The following SESN1 variants were observed in gnomAD, a reference collection of about 807,000 sequenced individuals.
SESN1 encodes the protein sestrin-1.
SESN1 carries 30 observed loss-of-function variants against 59.3 expected under a neutral mutation model. The ratio of observed to expected loss-of-function variants is 0.51; its 90% CI spans 0.38 to 0.69. The LOEUF is 0.69. Ranked by LOEUF, SESN1 falls within the 30% of genes least tolerant of loss-of-function variation. The probability of loss-of-function intolerance (pLI) is 0.00; values close to 1 mark genes in which losing one functional copy is unlikely to be tolerated. For synonymous variants in SESN1, 197 were observed against 219.9 expected, an observed-to-expected ratio of 0.90 and a Z score of 0.92; for missense variants, 566 against 673.0, an observed-to-expected ratio of 0.84 and a Z score of 1.76.
At chr6:109,073,827 G>A (rs983894444) in intron 1 of SESN1, among the ~76,000 whole-genome samples, 10 of 152,088 alleles carry the variant, frequency 6.6e-5, no homozygotes. Flanking sequence ...AATAGAAAGT[G>A]GTGTTTTGAC....
At chr6:109,028,472 T>TTTG (rs1305887850) in intron 1 of SESN1, among the ~76,000 whole-genome samples, 65 of 152,184 alleles carry the variant, frequency 4.3e-4, no homozygotes, top group African/African-American at 1.5e-3. Flanking sequence ...TTTGCATGTA[T>TTTG]GTATGTTAAA....
intron 1 of SESN1, among the ~76,000 whole-genome samples, chr6:109,092,714 A>T (rs988643335): frequency 2.0e-5 from 3 of 152,210 alleles, no homozygotes; most frequent in African/African-American, 7.2e-5. Flanking sequence ...ATAGAGAAAT[A>T]ACTTTTTGTG....
intron 1 of SESN1, among the ~76,000 whole-genome samples, chr6:109,089,304 A>G (rs574382543): frequency 6.6e-6 from 1 of 152,244 alleles, no homozygotes; most frequent in South Asian, 2.1e-4. Context: ...TGATGCTAAA[A>G]TGGTAGGCAG....
At chr6:109,021,937 A>G (rs574938267) in intron 1 of SESN1, among the ~76,000 whole-genome samples, 5 of 152,282 alleles carry the variant, frequency 3.3e-5, no homozygotes, top group African/African-American at 1.2e-4. Flanking sequence ...CACATATACT[A>G]TATCTAAAGG....
At chr6:108,990,505 C>T in intron 8 of SESN1, 140 bp downstream of exon 8, 2 of 751,418 alleles carry the variant, frequency 2.7e-6, no homozygotes, top group Non-Finnish European at 4.3e-6. Flanking sequence ...TTCTTTGAAG[C>T]ATAAATAGCA....
At chr6:109,060,574 A>G (rs780885649) in intron 1 of SESN1, among the ~76,000 whole-genome samples, 1 of 152,180 alleles carries the variant, frequency 6.6e-6, no homozygotes, top group Admixed American at 6.5e-5. Flanking sequence ...TAGAGGGAAA[A>G]TTCCTCAAAG....
chr6:109,042,297 G>A (rs1003621725), intron 1 of SESN1, among the ~76,000 whole-genome samples: 13 of 151,662 alleles, frequency 8.6e-5, no homozygotes, highest in Non-Finnish European at 1.3e-4. Context: ...CAAGAGCCTA[G>A]GGAAAGAAGA....
intron 1 of SESN1, among the ~76,000 whole-genome samples, chr6:109,004,759 C>CACAG (rs113614274): frequency 0.13 from 19,836 of 152,074 alleles, 1,400 homozygotes; most frequent in Middle Eastern, 0.2. Context: ...GAGCAAACAA[C>CACAG]ACAGTTCAAG....
chr6:109,088,136 G>A (rs961924177), intron 1 of SESN1: 1 of 152,052 alleles, frequency 6.6e-6, no homozygotes, highest in Non-Finnish European at 1.5e-5. Flanking sequence ...TTTCTTCCCC[G>A]AGAGAGAGAC....
chr6:109,035,210 G>C (rs1780232364), intron 1 of SESN1, among the ~76,000 whole-genome samples: 2 of 151,898 alleles, frequency 1.3e-5, no homozygotes, highest in African/African-American at 2.4e-5. Context: ...CTCCAAAAAA[G>C]AACTGACCCC....
chr6:109,009,416 CA>C, intron 1 of SESN1: 2 of 1,455,110 alleles, frequency 1.4e-6, no homozygotes, highest in Non-Finnish European at 9.0e-7. Context: ...CCGAGACCGC[CA>C]AAGGGGCCGT....
rs1554262797 is a variant in SESN1, at chr6:108,994,509, G to A, written c.1073C>T (p.Ser358Leu). The A allele has an allele frequency of 9.3e-6, 15 of 1,613,020 alleles. No homozygotes were observed. The South Asian group carries it at 1.3e-4, about 14-fold the overall frequency. Residue 358 changes from serine to leucine, a missense_variant, in exon 6 of 10, where the codon TCA (serine) becomes TTA (leucine). Coordinates refer to ENST00000436639, the MANE Select transcript of SESN1 (RefSeq NM_014454.3). ...CTCTCTTTTTTCTATTTCAAAACGT[G>A]AAGCCATCTCTTCCTGACTTGCCTC... ...EEEASQEEMA[S>L]RFEIEKRESM...
At chr6:109,032,389 CG>C (rs1780195090) in intron 1 of SESN1, among the ~76,000 whole-genome samples, 1 of 150,982 alleles carries the variant, frequency 6.6e-6, no homozygotes, top group Non-Finnish European at 1.5e-5. Flanking sequence ...GAGGCCGAGG[CG>C]GGCAAATCAC....
chr6:109,000,359 G>T, intron 4 of SESN1, 132 bp downstream of exon 4: 1 of 564,624 alleles, frequency 1.8e-6, no homozygotes, highest in South Asian at 4.8e-5. Context: ...AAGAAAATGT[G>T]CATCTGTGGG....
intron 1 of SESN1, 22 bp from the exon 2 acceptor site, chr6:109,002,365 T>C (rs1779644592): frequency 6.2e-7 from 1 of 1,602,834 alleles, no homozygotes; most frequent in African/African-American, 1.3e-5. Flanking sequence ...AATTACACCA[T>C]CTCAGGCCTT....
At position 108,992,902 on chromosome 6, in the gene SESN1, G is replaced by A. The variant is rs1210715183; in HGVS notation, c.1121-3C>T. ...TGCTGGTGTAACTTCTTCATCATCT[G>A]GGAAAAAAGGCCATTGAAAGGTTTT... On this transcript the variant is annotated splice_polypyrimidine_tract_variant and splice_region_variant and intron_variant, in intron 6 of 9. Coordinates refer to ENST00000436639, the MANE Select transcript of SESN1 (RefSeq NM_014454.3). 3.2e-6 allele frequency: 5 copies of A among 1,583,458 alleles called. No individual in the cohort carries two copies. In the South Asian group the frequency reaches 4.5e-5, roughly 14 times the overall value.
intron 5 of SESN1, among the ~76,000 whole-genome samples, 167 bp from the exon 6 acceptor site, chr6:108,994,776 C>T (rs1056064906): frequency 6.8e-5 from 10 of 146,932 alleles, no homozygotes; most frequent in African/African-American, 2.3e-4. Context: ...GATCTCGGCT[C>T]ACTGCAAGGT....
intron 1 of SESN1, among the ~76,000 whole-genome samples, chr6:109,075,869 A>T (rs1435232797): frequency 6.6e-6 from 1 of 152,050 alleles, no homozygotes; most frequent in African/African-American, 2.4e-5. Flanking sequence ...CCCCTCCCCG[A>T]CCCCAGAGGG....
intron 1 of SESN1, among the ~76,000 whole-genome samples, chr6:109,055,469 C>T (rs1194998723): frequency 2.0e-5 from 3 of 151,582 alleles, no homozygotes; most frequent in Non-Finnish European, 4.4e-5. Flanking sequence ...AAGATCAGCC[C>T]GGCCAAGATG....
Sources: allele counts gnomAD v4.1 joint callset (sites outside exome capture counted in the v4.1 genomes callset), GRCh38; gene constraint gnomAD v4.1.1; transcripts MANE v1.5; gene names NCBI Gene and HGNC (gene_info 2026-07-23, HGNC 2026-07-21).